PARD3B: variants seen among roughly 807,000 people sequenced by gnomAD.
PARD3B encodes partitioning defective 3 homolog B.
Under a neutral mutation model 130.2 loss-of-function variants are expected in PARD3B, and 103 were observed. The observed-to-expected ratio is 0.79, with a 90% CI of 0.67 to 0.93. PARD3B has a LOEUF of 0.93. Ranked by LOEUF, PARD3B falls within the 40% of genes least tolerant of loss-of-function variation. The pLI, the probability that PARD3B is intolerant of heterozygous loss-of-function variation, is 0.00. For missense variants in PARD3B, 1,609 were observed against 1,499.2 expected, an observed-to-expected ratio of 1.07 and a Z score of -1.21; for synonymous variants, 583 against 553.2, an observed-to-expected ratio of 1.05 and a Z score of -0.76.
chr2:205,003,873 A>G (rs1695045917), intron 3 of PARD3B, among the ~76,000 whole-genome samples: 1 of 152,188 alleles, frequency 6.6e-6, no homozygotes, highest in Non-Finnish European at 1.5e-5. Flanking sequence ...GCATGCCTCC[A>G]AGAGGGGCAT....
intron 20 of PARD3B, among the ~76,000 whole-genome samples, chr2:205,452,519 A>AT (rs1164901575): frequency 1.3e-5 from 2 of 152,032 alleles, no homozygotes; most frequent in Non-Finnish European, 2.9e-5. Flanking sequence ...AAGCAATCAG[A>AT]TTTTTTTTCT....
At chr2:204,750,601 CAT>C (rs2040423252) in intron 2 of PARD3B, among the ~76,000 whole-genome samples, 2 of 87,812 alleles carry the variant, frequency 2.3e-5, no homozygotes, top group African/African-American at 1.3e-4. Flanking sequence ...TACACACATA[CAT>C]ACATACATAC....
At chr2:205,546,422 C>T (rs1168403450) in intron 21 of PARD3B, among the ~76,000 whole-genome samples, 1 of 151,710 alleles carries the variant, frequency 6.6e-6, no homozygotes, top group Non-Finnish European at 1.5e-5. Context: ...AAAAAAAAAA[C>T]CTGCATGATA....
In PARD3B at chr2:204,945,600, G is replaced by A. The variant is rs193146949; in HGVS notation, c.223-19552G>A. 5.3e-5 allele frequency among the ~76,000 whole-genome samples: 8 copies of A among 152,296 alleles called. No homozygotes were observed. In the East Asian group the frequency reaches 1.5e-3, roughly 29 times the overall value. On this transcript the variant is annotated intron_variant, in intron 2 of 22. Coordinates refer to ENST00000406610, the MANE Select transcript of PARD3B (RefSeq NM_001302769.2). The stretch of plus-strand genomic sequence containing the variant: ...GTGGGCTTAGTGAATGCTTCTGATT[G>A]CGCTGCAAGCCTAGTTGAATGTTTT...
Position 204,545,749 on chromosome 2 carries a change from G to A in PARD3B, c.-251G>A. 1 of 377,152 alleles carries A rather than the reference G, an allele frequency of 2.7e-6. No individual in the cohort carries two copies. The highest frequency in any genetic ancestry group is 4.7e-6 in the Non-Finnish European group (1 of 212,094). The allele number at this position is 377,152 out of a possible 1,614,324, so 23.4% of individuals were successfully genotyped here. ...GAGGAGGAGCCGGTGCCGCGGAGCT[G>A]CCGCGTCCCGGGCCGCCGGGCACCT... On this transcript the variant is annotated 5_prime_UTR_variant, in exon 1 of 23. Coordinates refer to ENST00000406610, the MANE Select transcript of PARD3B (RefSeq NM_001302769.2).
At chr2:205,486,736 G>A (rs537536370) in intron 20 of PARD3B, among the ~76,000 whole-genome samples, 8 of 152,180 alleles carry the variant, frequency 5.3e-5, no homozygotes, top group Admixed American at 2.0e-4. Flanking sequence ...CACAAGAACA[G>A]TACCAAGGGG....
intron 13 of PARD3B, among the ~76,000 whole-genome samples, chr2:205,179,974 G>A (rs2035697879): frequency 6.6e-6 from 1 of 151,944 alleles, no homozygotes; most frequent in African/African-American, 2.4e-5. Context: ...AGTCCTTTGG[G>A]CACAAGTGGC....
At chr2:205,310,719 CTTTTTTTTTT>C (rs34032930) in intron 18 of PARD3B, among the ~76,000 whole-genome samples, 2 of 82,590 alleles carry the variant, frequency 2.4e-5, no homozygotes, top group Non-Finnish European at 2.1e-5. Flanking sequence ...TTCTTTCTTT[CTTTTTTTTTT>C]TTTTTTTTTT....
At chr2:205,383,316 G>A (rs2137176) in intron 18 of PARD3B, among the ~76,000 whole-genome samples, 117,417 of 151,818 alleles carry the variant, frequency 0.77, 46,872 homozygotes, top group Admixed American at 0.88. Flanking sequence ...TAAGAAAGCT[G>A]TCTCTGACTA....
chr2:205,437,839 G>C (rs956927989), intron 19 of PARD3B, among the ~76,000 whole-genome samples: 2 of 152,052 alleles, frequency 1.3e-5, no homozygotes, highest in East Asian at 3.9e-4. Flanking sequence ...ATAAAAAAGG[G>C]TATCTTTTGA....
At chr2:205,190,952 G>T (rs1205894806) in intron 14 of PARD3B, among the ~76,000 whole-genome samples, 2 of 151,866 alleles carry the variant, frequency 1.3e-5, no homozygotes, top group Non-Finnish European at 2.9e-5. Context: ...ATAACACTAA[G>T]TGGGTCCAGG....
chr2:205,450,517 G>A (rs1397389045), intron 20 of PARD3B, among the ~76,000 whole-genome samples: 1 of 128,726 alleles, frequency 7.8e-6, no homozygotes, highest in Admixed American at 1.0e-4. Flanking sequence ...ACTGTTGCCT[G>A]GGCTGGAGTG....
chr2:205,612,162 ATTC>A (rs1416181336), intron 22 of PARD3B, among the ~76,000 whole-genome samples: 2 of 152,154 alleles, frequency 1.3e-5, no homozygotes, highest in South Asian at 2.1e-4. Context: ...CTGTTTCAAA[ATTC>A]TTCTTGAGAC....
chr2:204,697,526 G>T (rs551493645), intron 2 of PARD3B, among the ~76,000 whole-genome samples: 39 of 152,218 alleles, frequency 2.6e-4, no homozygotes, highest in African/African-American at 9.4e-4. Flanking sequence ...CACTGAGACC[G>T]AGTATATAAG....
chr2:205,584,325 G>A lies in PARD3B; in HGVS notation c.3260+30922G>A, dbSNP rs2054112361. Among the ~76,000 whole-genome samples, 1 of 152,158 alleles carries A rather than the reference G, an allele frequency of 6.6e-6. No individual in the cohort carries two copies. The highest frequency in any genetic ancestry group is 1.5e-5 in the Non-Finnish European group (1 of 68,036). ...TCATACTTTGGATATATTGGGTTAA[G>A]TAAAATAAATTATTAAAATTAGTTT... is the stretch of plus-strand genomic sequence containing the variant. On this transcript the variant is annotated intron_variant, in intron 22 of 22. Coordinates refer to ENST00000406610, the MANE Select transcript of PARD3B (RefSeq NM_001302769.2). This position sits in a 1 kb window ranked among gnomAD's most constrained non-coding sequence, Gnocchi z 5.5.
At chr2:204,876,455 T>A (rs180863142) in intron 2 of PARD3B, among the ~76,000 whole-genome samples, 31 of 152,240 alleles carry the variant, frequency 2.0e-4, no homozygotes, top group African/African-American at 7.2e-4. Flanking sequence ...TTGGATTGAG[T>A]TGAAGGATTT....
At chr2:205,185,603 C>A (rs771156205) in intron 13 of PARD3B, among the ~76,000 whole-genome samples, 161 bp from the exon 14 acceptor site, 1 of 152,122 alleles carries the variant, frequency 6.6e-6, no homozygotes, top group Non-Finnish European at 1.5e-5. Context: ...AAGCAGTATT[C>A]ATTCTCATAA....
intron 18 of PARD3B, among the ~76,000 whole-genome samples, chr2:205,303,786 G>T (rs1369603095): frequency 1.3e-5 from 2 of 152,212 alleles, no homozygotes; most frequent in African/African-American, 2.4e-5. Flanking sequence ...GAAGTGGGGT[G>T]ACAATCTCCT....
intron 22 of PARD3B, among the ~76,000 whole-genome samples, chr2:205,582,339 G>A (rs1001239543): frequency 3.9e-5 from 6 of 152,176 alleles, no homozygotes; most frequent in South Asian, 2.1e-4. Context: ...AATAACGAAC[G>A]GAAACAGAAT....
Sources: allele counts gnomAD v4.1 joint callset (sites outside exome capture counted in the v4.1 genomes callset), GRCh38; gene constraint gnomAD v4.1.1; non-coding constraint Gnocchi (gnomAD v3.1); transcripts MANE v1.5; gene names NCBI Gene and HGNC (gene_info 2026-07-23, HGNC 2026-07-21).